Variants in BICC1 observed in about 807,000 individuals in gnomAD.
The protein encoded by BICC1 is BicC family RNA binding protein 1.
In BICC1, 43 loss-of-function variants were observed where a neutral mutation model predicts 111.0. The observed-to-expected ratio is 0.39, with a 90% CI of 0.30 to 0.50. The LOEUF (loss-of-function observed/expected upper bound fraction) is 0.50, where lower values mean the gene tolerates loss of function less well. Ranked by LOEUF, BICC1 falls within the 20% of genes least tolerant of loss-of-function variation. The pLI is 0.88. For missense variants in BICC1, 1,091 were observed against 1,203.2 expected, an observed-to-expected ratio of 0.91 and a Z score of 1.38; for synonymous variants, 467 against 434.4, an observed-to-expected ratio of 1.07 and a Z score of -0.93.
At chr10:58,796,585 C>T in intron 10 of BICC1, 59 bp downstream of exon 10, 1 of 1,499,654 alleles carries the variant, frequency 6.7e-7, no homozygotes, top group Non-Finnish European at 9.0e-7. Context: ...GTCTGGTTCC[C>T]TTTCTTTCTA....
intron 2 of BICC1, among the ~76,000 whole-genome samples, chr10:58,627,998 T>C (rs984901025): frequency 1.3e-5 from 2 of 152,128 alleles, no homozygotes; most frequent in Non-Finnish European, 2.9e-5. Context: ...GGTTACTAGA[T>C]AGGTACAAAA....
chr10:58,532,136 C>T (rs548039870), intron 1 of BICC1, among the ~76,000 whole-genome samples: 131 of 151,824 alleles, frequency 8.6e-4, no homozygotes, highest in Non-Finnish European at 1.5e-3. Context: ...TTCTAGTCAA[C>T]TTTCCAAAAA....
At chr10:58,531,390 A>G (rs1349278412) in intron 1 of BICC1, among the ~76,000 whole-genome samples, 1 of 151,852 alleles carries the variant, frequency 6.6e-6, no homozygotes, top group East Asian at 1.9e-4. Context: ...TCATCTCTGT[A>G]AAAGGTTTGA....
chr10:58,645,394 G>A (rs1162656778), intron 2 of BICC1, among the ~76,000 whole-genome samples: 16 of 116,686 alleles, frequency 1.4e-4, no homozygotes, highest in Middle Eastern at 5.4e-3. Flanking sequence ...GCGACAGAGC[G>A]AGACTCCATC....
At chr10:58,568,104 C>A (rs191982148) in intron 1 of BICC1, among the ~76,000 whole-genome samples, 1 of 152,216 alleles carries the variant, frequency 6.6e-6, no homozygotes. Flanking sequence ...CCTTGATTTC[C>A]TCATCTGTAC....
chr10:58,513,420 C>T, intron 1 of BICC1, 87 bp downstream of exon 1: 1 of 1,296,438 alleles, frequency 7.7e-7, no homozygotes, highest in Non-Finnish European at 1.0e-6. Flanking sequence ...GCGCCCGCTA[C>T]TCCAGCCTAC....
chr10:58,590,041 A>T (rs1844559063), intron 1 of BICC1, among the ~76,000 whole-genome samples: 1 of 152,090 alleles, frequency 6.6e-6, no homozygotes, highest in South Asian at 2.1e-4. Flanking sequence ...AATTTCATTT[A>T]TTCATATGGG....
intron 1 of BICC1, among the ~76,000 whole-genome samples, chr10:58,583,584 C>CTCTGTG (rs1219991922): frequency 1.9e-4 from 26 of 139,438 alleles, no homozygotes; most frequent in African/African-American, 6.6e-4. Flanking sequence ...TTCTCTCTCT[C>CTCTGTG]TGTGTGTGTG....
At chr10:58,579,550 A>C (rs1844210282) in intron 1 of BICC1, among the ~76,000 whole-genome samples, 1 of 152,140 alleles carries the variant, frequency 6.6e-6, no homozygotes, top group African/African-American at 2.4e-5. Context: ...ACTAGCTCTG[A>C]TTTTACAATC....
chr10:58,772,467 T>C (rs1304128761), intron 3 of BICC1, among the ~76,000 whole-genome samples: 1 of 152,192 alleles, frequency 6.6e-6, no homozygotes, highest in Non-Finnish European at 1.5e-5. Context: ...ATTGCTGACA[T>C]TATATTAAAA....
At chr10:58,663,229 G>A (rs1838901679) in intron 2 of BICC1, among the ~76,000 whole-genome samples, 1 of 151,718 alleles carries the variant, frequency 6.6e-6, no homozygotes, top group Non-Finnish European at 1.5e-5. Context: ...ACCATACCTG[G>A]CTAATTTTTT....
At chr10:58,558,231 G>A (rs544830403) in intron 1 of BICC1, among the ~76,000 whole-genome samples, 101 of 152,150 alleles carry the variant, frequency 6.6e-4, no homozygotes, top group African/African-American at 2.1e-3. Flanking sequence ...ATATGCATGG[G>A]TTGATCGGTA....
intron 1 of BICC1, among the ~76,000 whole-genome samples, chr10:58,593,081 T>G (rs539176406): frequency 1.3e-4 from 19 of 151,812 alleles, no homozygotes; most frequent in Non-Finnish European, 2.5e-4. Flanking sequence ...CACCATTGCC[T>G]ATGCTTGAGT....
intron 1 of BICC1, among the ~76,000 whole-genome samples, chr10:58,582,635 G>T (rs895488315): frequency 6.6e-6 from 1 of 152,180 alleles, no homozygotes; most frequent in Non-Finnish European, 1.5e-5. Flanking sequence ...GAGGTCAGAA[G>T]TCCAAAACAG....
At chr10:58,609,125 A>G (rs1200569475) in intron 1 of BICC1, among the ~76,000 whole-genome samples, 1 of 152,246 alleles carries the variant, frequency 6.6e-6, no homozygotes, top group Admixed American at 6.5e-5. Context: ...AACCATCCAC[A>G]TAAACTCTTA....
At chr10:58,739,681 A>AC (rs753958172) in intron 3 of BICC1, among the ~76,000 whole-genome samples, 4 of 152,150 alleles carry the variant, frequency 2.6e-5, no homozygotes, top group Non-Finnish European at 5.9e-5. Flanking sequence ...AACCGATCTA[A>AC]CTTGGGTTTA....
At chr10:58,658,512 C>T (rs375818142) in intron 2 of BICC1, among the ~76,000 whole-genome samples, 61 of 152,134 alleles carry the variant, frequency 4.0e-4, no homozygotes, top group African/African-American at 1.2e-3. Context: ...TGTAGATTAC[C>T]ACTATGATAG....
chr10:58,735,745 C>A (rs948000175), intron 3 of BICC1, among the ~76,000 whole-genome samples: 3 of 152,156 alleles, frequency 2.0e-5, no homozygotes, highest in Non-Finnish European at 4.4e-5. Flanking sequence ...TATTTAAGAT[C>A]CTCAGTGAAT....
intron 3 of BICC1, chr10:58,715,553 C>T (rs1589053800): frequency 6.6e-6 from 10 of 1,522,612 alleles, no homozygotes; most frequent in Admixed American, 1.7e-5. Context: ...AGTCCAGCAC[C>T]ATGGGGAAGC....
Sources: allele counts gnomAD v4.1 joint callset (sites outside exome capture counted in the v4.1 genomes callset), GRCh38; gene constraint gnomAD v4.1.1; transcripts MANE v1.5; gene names NCBI Gene and HGNC (gene_info 2026-07-23, HGNC 2026-07-21).